OSBPL8: variants seen among roughly 807,000 people sequenced by gnomAD.
OSBPL8 encodes the protein oxysterol-binding protein-related protein 8.
In OSBPL8, 59 loss-of-function variants were observed where a neutral mutation model predicts 125.5. The ratio of observed to expected loss-of-function variants is 0.47; its 90% CI spans 0.38 to 0.58. The LOEUF is 0.58. OSBPL8 is among the 20% of genes least tolerant of loss of function. OSBPL8 has a pLI of 0.00. For missense variants in OSBPL8, 758 were observed against 1,047.8 expected (o/e 0.72, Z 3.82); for synonymous variants, 330 against 338.9 (o/e 0.97, Z 0.29).
At chr12:76,549,510 A>T (rs1046251199) in intron 1 of OSBPL8, among the ~76,000 whole-genome samples, 5 of 152,256 alleles carry the variant, frequency 3.3e-5, no homozygotes, top group African/African-American at 9.6e-5. Context: ...TCCCAGGTTC[A>T]AGTGATTCTC....
chr12:76,405,927 TTTC>T (rs779129645), intron 5 of OSBPL8, among the ~76,000 whole-genome samples: 1 of 152,192 alleles, frequency 6.6e-6, no homozygotes, highest in East Asian at 1.9e-4. Context: ...TCCTTCTCTT[TTTC>T]TTCTTTATTT....
intron 4 of OSBPL8, 27 bp downstream of exon 4, chr12:76,450,824 C>A (rs896187945): frequency 1.9e-6 from 3 of 1,572,604 alleles, no homozygotes; most frequent in African/African-American, 2.7e-5. Context: ...AAAAACAAGA[C>A]AAAACATGAA....
intron 1 of OSBPL8, 75 bp downstream of exon 1, chr12:76,559,322 T>A (rs1221253262): frequency 6.6e-6 from 1 of 152,458 alleles, no homozygotes. Flanking sequence ...GCTCAGAACG[T>A]GGCAATAAGG....
intron 2 of OSBPL8, among the ~76,000 whole-genome samples, chr12:76,480,167 C>CAAAAAAAAAAAAAAAA (rs57582036): frequency 1.8e-5 from 1 of 56,386 alleles, no homozygotes; most frequent in Non-Finnish European, 3.1e-5. Context: ...AACTCCATCT[C>CAAAAAAAAAAAAAAAA]AAAAAAAAAA....
At position 76,479,219 on chromosome 12, in the gene OSBPL8, T is replaced by A. The variant is rs572199655; in HGVS notation, c.42+8291A>T. ...AAATAACTAAATGAGTATAATTGGA[T>A]TGTAACACAAAGGATAAAAGCTTAA... is the stretch of plus-strand genomic sequence containing the variant. On this transcript the variant is annotated intron_variant, in intron 2 of 23. Coordinates refer to ENST00000261183, the MANE Select transcript of OSBPL8 (RefSeq NM_020841.5). Among the ~76,000 whole-genome samples, 3 of 152,312 alleles carry A rather than the reference T, an allele frequency of 2.0e-5. No individual in the cohort carries two copies. In the South Asian group the frequency reaches 6.2e-4, roughly 32 times the overall value.
At chr12:76,470,263 A>G (rs906002044) in intron 2 of OSBPL8, among the ~76,000 whole-genome samples, 5 of 152,218 alleles carry the variant, frequency 3.3e-5, no homozygotes, top group East Asian at 1.9e-4. Context: ...TTTACTGCCC[A>G]CTAAAAGAAT....
chr12:76,364,639 T>TAA (rs1273975473), intron 21 of OSBPL8, among the ~76,000 whole-genome samples: 2 of 152,096 alleles, frequency 1.3e-5, no homozygotes, highest in Admixed American at 1.3e-4. Context: ...TCCCAGAACT[T>TAA]AAAGTATAAT....
chr12:76,556,918 C>T (rs1259783463), intron 1 of OSBPL8, among the ~76,000 whole-genome samples: 6 of 152,142 alleles, frequency 3.9e-5, no homozygotes, highest in Non-Finnish European at 7.3e-5. Flanking sequence ...CCCACCTCAG[C>T]CTCCCAAAGT....
intron 21 of OSBPL8, among the ~76,000 whole-genome samples, chr12:76,359,685 C>T (rs1952123810): frequency 6.6e-6 from 1 of 152,050 alleles, no homozygotes; most frequent in African/African-American, 2.4e-5. Flanking sequence ...TGGCAGATGG[C>T]AAAAGGCACT....
At chr12:76,382,735 C>CAGCTG in intron 15 of OSBPL8, among the ~76,000 whole-genome samples, 1 of 152,102 alleles carries the variant, frequency 6.6e-6, no homozygotes, top group East Asian at 1.9e-4. Context: ...ATACAAAAAT[C>CAGCTG]AGCTGGGTGT....
intron 1 of OSBPL8, among the ~76,000 whole-genome samples, chr12:76,550,441 A>G (rs1950903382): frequency 6.6e-6 from 1 of 152,208 alleles, no homozygotes; most frequent in South Asian, 2.1e-4. Context: ...CAACCTGTGG[A>G]CATGACAGCT....
intron 1 of OSBPL8, among the ~76,000 whole-genome samples, chr12:76,511,627 C>T (rs1208087664): frequency 1.3e-5 from 2 of 152,074 alleles, no homozygotes; most frequent in Non-Finnish European, 2.9e-5. Flanking sequence ...GATATTAGAC[C>T]TCTGTGAGGT....
In OSBPL8 at chr12:76,401,500, A is replaced by G. The variant is rs1255813585; in HGVS notation, c.366+1189T>C. 7.2e-5 allele frequency among the ~76,000 whole-genome samples: 11 copies of G among 152,174 alleles called. No individual in the cohort carries two copies. In the East Asian group the frequency reaches 2.1e-3, roughly 29 times the overall value. On this transcript the variant is annotated intron_variant, in intron 6 of 23. Transcript: ENST00000261183. ...CACAACAACCTTGTGAAGTAGAAGT[A>G]TTATTATCCTTATTTTACAGACACG...
At chr12:76,374,706 T>C (rs1592549328) in intron 17 of OSBPL8, among the ~76,000 whole-genome samples, 1 of 152,084 alleles carries the variant, frequency 6.6e-6, no homozygotes, top group African/African-American at 2.4e-5. Context: ...TCCCTAACTA[T>C]TGAGTCACCC....
intron 2 of OSBPL8, among the ~76,000 whole-genome samples, chr12:76,467,444 T>C (rs1401716797): frequency 6.6e-6 from 1 of 152,198 alleles, no homozygotes; most frequent in Non-Finnish European, 1.5e-5. Flanking sequence ...TAATTTCTAG[T>C]TCTAAAATTA....
intron 9 of OSBPL8, among the ~76,000 whole-genome samples, chr12:76,394,006 G>A (rs181648439): frequency 5.3e-5 from 8 of 152,198 alleles, no homozygotes; most frequent in East Asian, 1.9e-4. Flanking sequence ...GCAACAGAGC[G>A]AGACTCCATC....
chr12:76,519,521 G>GT (rs1260174304), intron 1 of OSBPL8, among the ~76,000 whole-genome samples: 1 of 151,808 alleles, frequency 6.6e-6, no homozygotes, highest in Non-Finnish European at 1.5e-5. Context: ...ACATCTTCAG[G>GT]TATCTTTACA....
intron 4 of OSBPL8, among the ~76,000 whole-genome samples, chr12:76,420,491 C>G (rs184417892): frequency 1.3e-5 from 2 of 152,050 alleles, no homozygotes; most frequent in East Asian, 3.9e-4. Flanking sequence ...GCAGGGGTGT[C>G]ACATCCATGT....
chr12:76,422,369 T>TAAAC, intron 4 of OSBPL8: 1 of 349,584 alleles, frequency 2.9e-6, no homozygotes, highest in Non-Finnish European at 5.6e-6. Context: ...AGCCAAGCTG[T>TAAAC]TTAGCAGCAG....
Sources: gnomAD v4.1 joint callset for allele counts (sites outside exome capture counted in the v4.1 genomes callset) on GRCh38, gnomAD v4.1.1 for gene constraint, MANE v1.5 for transcripts, NCBI Gene and HGNC (gene_info 2026-07-23, HGNC 2026-07-21) for gene names.